CDH8: variants seen among roughly 807,000 people sequenced by gnomAD.
CDH8 encodes cadherin 8.
CDH8 carries 17 observed loss-of-function variants against 68.1 expected under a neutral mutation model. That is an observed-to-expected ratio of 0.25 (90% CI 0.17 to 0.37). The LOEUF (loss-of-function observed/expected upper bound fraction) is 0.37. Among genes scored for constraint, CDH8 ranks in the 10% least tolerant of loss-of-function variants. CDH8 has a pLI of 1.00. For synonymous variants in CDH8, 372 were observed against 365.1 expected (o/e 1.02, Z -0.21); for missense variants, 763 against 999.3 (o/e 0.76, Z 3.19).
In CDH8 at chr16:61,648,083, G is replaced by A; in HGVS notation, c.*5525C>T. ...GAAACTTCCACACATAAAGGAAGGA[G>A]GAGAATACATACAAAAACACTTACA... On this transcript the variant is annotated 3_prime_UTR_variant, in exon 12 of 12. Coordinates refer to ENST00000577390, the MANE Select transcript of CDH8 (RefSeq NM_001796.5). The A allele has an allele frequency of 4.1e-6, 2 of 484,550 alleles. No individual in the cohort carries two copies. The highest frequency in any genetic ancestry group is 3.6e-5 in the Admixed American group (1 of 27,400). 30.0% of individuals were successfully genotyped at this position (484,550 alleles called of 1,614,324 possible).
chr16:61,841,407 A>G (rs1298059108), intron 4 of CDH8, among the ~76,000 whole-genome samples: 2 of 152,192 alleles, frequency 1.3e-5, no homozygotes, highest in Non-Finnish European at 2.9e-5. Flanking sequence ...CATTATGTCA[A>G]GTGAAATGAG....
chr16:61,711,132 A>G (rs1964623285), intron 10 of CDH8, among the ~76,000 whole-genome samples: 1 of 151,946 alleles, frequency 6.6e-6, no homozygotes, highest in South Asian at 2.1e-4. Flanking sequence ...ATTTAGTAGA[A>G]TTATTTGTGA....
At chr16:61,773,836 C>T (rs2142989099) in intron 8 of CDH8, among the ~76,000 whole-genome samples, 1 of 152,148 alleles carries the variant, frequency 6.6e-6, no homozygotes, top group East Asian at 1.9e-4. Flanking sequence ...TGAGGTGAGT[C>T]CTTGTCCTAT....
intron 8 of CDH8, among the ~76,000 whole-genome samples, chr16:61,746,691 C>G (rs568866361): frequency 6.6e-6 from 1 of 152,012 alleles, no homozygotes; most frequent in South Asian, 2.1e-4. Flanking sequence ...TCTAGAAGGA[C>G]TCTAATCCTC....
chr16:62,033,311 T>G (rs544176354), intron 1 of CDH8, among the ~76,000 whole-genome samples: 2 of 152,340 alleles, frequency 1.3e-5, no homozygotes, highest in South Asian at 4.1e-4. Flanking sequence ...AATAAAGTTG[T>G]TTTCCAGTGT....
intron 4 of CDH8, among the ~76,000 whole-genome samples, chr16:61,834,956 T>G (rs754294332): frequency 6.6e-6 from 1 of 151,914 alleles, no homozygotes; most frequent in Non-Finnish European, 1.5e-5. Flanking sequence ...TAAAATTTTT[T>G]TTTAATTTGC....
chr16:61,846,306 C>T (rs1962805288), intron 4 of CDH8, among the ~76,000 whole-genome samples: 1 of 152,002 alleles, frequency 6.6e-6, no homozygotes, highest in Non-Finnish European at 1.5e-5. Context: ...AGCAAGAAAA[C>T]ATCCAATTGG....
At chr16:62,028,800 G>T (rs1902257297) in intron 1 of CDH8, among the ~76,000 whole-genome samples, 1 of 151,766 alleles carries the variant, frequency 6.6e-6, no homozygotes, top group Non-Finnish European at 1.5e-5. Flanking sequence ...CACAGTGGTG[G>T]CCAGAAAGTC....
intron 10 of CDH8, among the ~76,000 whole-genome samples, chr16:61,708,776 G>A (rs1341797202): frequency 6.6e-6 from 1 of 152,174 alleles, no homozygotes; most frequent in African/African-American, 2.4e-5. Context: ...GATCATATAT[G>A]CATAGTGCTG....
intron 8 of CDH8, among the ~76,000 whole-genome samples, chr16:61,755,801 T>TTCTTCTC (rs1960299257): frequency 6.6e-6 from 1 of 151,962 alleles, no homozygotes; most frequent in African/African-American, 2.4e-5. Context: ...GCCTTCTTCT[T>TTCTTCTC]CTTCTTCTCC....
At chr16:61,961,860 A>C (rs539971904) in intron 2 of CDH8, among the ~76,000 whole-genome samples, 2 of 152,328 alleles carry the variant, frequency 1.3e-5, no homozygotes, top group South Asian at 4.1e-4. Context: ...GAACAATACA[A>C]GGATTAGGGG....
At chr16:61,779,430 T>TGTGTGC (rs1960986692) in intron 8 of CDH8, among the ~76,000 whole-genome samples, 2 of 109,238 alleles carry the variant, frequency 1.8e-5, no homozygotes, top group South Asian at 6.5e-4. Flanking sequence ...CGTTTATGTG[T>TGTGTGC]GTGTGTGTGT....
At chr16:61,846,038 C>T (rs564102061) in intron 4 of CDH8, among the ~76,000 whole-genome samples, 2 of 152,178 alleles carry the variant, frequency 1.3e-5, no homozygotes, top group African/African-American at 2.4e-5. Flanking sequence ...TGGAAAGTCT[C>T]ATAGCTTTTT....
At chr16:61,816,931 T>C (rs918110106) in intron 7 of CDH8, among the ~76,000 whole-genome samples, 1 of 152,118 alleles carries the variant, frequency 6.6e-6, no homozygotes, top group African/African-American at 2.4e-5. Context: ...AAACCAGATA[T>C]GCTGACCTAT....
chr16:62,008,740 G>A (rs527632835), intron 2 of CDH8, among the ~76,000 whole-genome samples: 78 of 152,238 alleles, frequency 5.1e-4, no homozygotes, highest in Admixed American at 3.2e-3. Flanking sequence ...TTTACAGTAA[G>A]AGTTTAATGA....
chr16:61,679,928 G>A (rs979971917), intron 10 of CDH8, among the ~76,000 whole-genome samples: 1 of 151,958 alleles, frequency 6.6e-6, no homozygotes, highest in African/African-American at 2.4e-5. Context: ...TCATTGTATT[G>A]TATGGATATC....
chr16:61,939,548 A>T (rs988199957), intron 2 of CDH8, among the ~76,000 whole-genome samples: 1 of 152,196 alleles, frequency 6.6e-6, no homozygotes, highest in Non-Finnish European at 1.5e-5. Flanking sequence ...ATAACATGAC[A>T]TTATAATTTA....
rs16964024 is a variant in CDH8 at position 61,873,141 on chromosome 16, G to A, written c.548-15903C>T. Among the ~76,000 whole-genome samples the A allele has an allele frequency of 7.6e-3, 1,155 of 152,258 alleles. 13 individuals are homozygous for A. The highest frequency in any genetic ancestry group is 0.026 in the African/African-American group (1,080 of 41,536). On this transcript the variant is annotated intron_variant, in intron 3 of 11. Coordinates refer to ENST00000577390, the MANE Select transcript of CDH8 (RefSeq NM_001796.5). ...GTTAGGGTATGTCTTGTGTGAATGT[G>A]TGTTCGTATTCGTAGAAATGAATGA... is the stretch of plus-strand genomic sequence containing the variant.
At chr16:61,655,857 C>T (rs369362864) in intron 10 of CDH8, 136 bp from the exon 11 acceptor site, 1 of 730,444 alleles carries the variant, frequency 1.4e-6, no homozygotes, top group Admixed American at 2.9e-5. Context: ...GGCTTTTTCC[C>T]TGACTCGTCT....
Sources: gnomAD v4.1 joint callset for allele counts (sites outside exome capture counted in the v4.1 genomes callset) on GRCh38, gnomAD v4.1.1 for gene constraint, MANE v1.5 for transcripts, NCBI Gene and HGNC (gene_info 2026-07-23, HGNC 2026-07-21) for gene names.